ZRANB2: variants seen among roughly 807,000 people sequenced by gnomAD.
ZRANB2 encodes the protein zinc finger Ran-binding domain-containing protein 2.
ZRANB2 carries 19 observed loss-of-function variants against 53.4 expected under a neutral mutation model. That is an observed-to-expected ratio of 0.36 (90% CI 0.25 to 0.52). The LOEUF (loss-of-function observed/expected upper bound fraction) is 0.52, where lower values mean the gene tolerates loss of function less well. ZRANB2 is among the 20% of genes least tolerant of loss of function. The pLI is 0.93. For synonymous variants in ZRANB2, 145 were observed against 134.8 expected, an observed-to-expected ratio of 1.08 and a Z score of -0.52; for missense variants, 309 against 401.1, an observed-to-expected ratio of 0.77 and a Z score of 1.96.
intron 4 of ZRANB2, among the ~76,000 whole-genome samples, chr1:71,075,998 AACAG>A (rs1310798217): frequency 6.6e-6 from 1 of 152,168 alleles, no homozygotes. Flanking sequence ...CTAGAAACTA[AACAG>A]ACAATGAAAA....
intron 8 of ZRANB2, chr1:71,067,803 T>A: frequency 2.7e-6 from 1 of 368,914 alleles, no homozygotes; most frequent in Non-Finnish European, 5.3e-6. Context: ...AACTTAAGGA[T>A]TTTTACCTAT....
chr1:71,076,727 T>TA, intron 4 of ZRANB2, 68 bp downstream of exon 4: 1 of 1,172,204 alleles, frequency 8.5e-7, no homozygotes. Flanking sequence ...TCGAAGGTGA[T>TA]ACAATTATCG....
chr1:71,070,691 A>G (rs1405647928), intron 7 of ZRANB2, 136 bp downstream of exon 7: 1 of 566,558 alleles, frequency 1.8e-6, no homozygotes, highest in Non-Finnish European at 2.9e-6. Context: ...CTGAAAAATT[A>G]TTTTAAAAGT....
Position 71,078,575 on chromosome 1 carries a change from G to A in ZRANB2, c.110-10C>T, listed in dbSNP as rs754221880. ...GCCTCAGTTGTTTTCTCTGAAAACA[G>A]AAAAATCATGCAATATGAACCTGGA... On this transcript the variant is annotated splice_polypyrimidine_tract_variant and intron_variant, in intron 2 of 9. Transcript: ENST00000370920. 12 of 1,612,718 alleles carry A rather than the reference G, an allele frequency of 7.4e-6. No homozygotes were observed. Among genetic ancestry groups the A allele is most frequent in the Non-Finnish European group, 9.3e-6 (11 of 1,179,058 alleles).
intron 3 of ZRANB2, 117 bp downstream of exon 3, chr1:71,078,339 TG>T (rs1661756684): frequency 2.5e-6 from 2 of 788,662 alleles, no homozygotes; most frequent in African/African-American, 3.5e-5. Flanking sequence ...AACAATACCT[TG>T]GATTTAAAAG....
In ZRANB2 at chr1:71,066,934, T is replaced by C; in HGVS notation, c.771A>G (p.Arg257=). Residue 257 remains arginine, a splice_region_variant and synonymous_variant, in exon 9 of 10, where the codon AGA becomes AGG. Transcript: ENST00000370920. The stretch of plus-strand genomic sequence containing the variant: ...AGCCCCTGTGGGACCTGGAGCTGGA[T>C]CTTCATTGATTGAGAAACAAATCAA... ...ERSRSRGSKS[R]SSSRSHRGSS... 2 of 1,557,238 alleles carry C rather than the reference T, an allele frequency of 1.3e-6. No individual in the cohort carries two copies. Among genetic ancestry groups the C allele is most frequent in the Admixed American group, 2.0e-5 (1 of 50,776 alleles).
rs767621262 is a variant in ZRANB2, at chr1:71,080,988, G to C, written c.8C>G (p.Thr3Ser). Residue 3 changes from threonine to serine, a missense_variant, in exon 1 of 10, where the codon ACC becomes AGC. Transcript: ENST00000370920. ...CCCGTCACTGACTCGGAAATTCTTG[G>C]TCGACATCTTGAACGCCACCAGCAC... MS[T>S]KNFRVSDGDW... 5.6e-6 allele frequency: 9 copies of C among 1,614,100 alleles called. No individual in the cohort carries two copies. The Admixed American group carries it at 8.3e-5, about 15-fold the overall frequency.
At position 71,076,842 on chromosome 1, in the gene ZRANB2, C is replaced by T. The variant is rs1661721073; in HGVS notation, c.254G>A (p.Cys85Tyr). ...SNVNWARRSE[C>Y]NMCNTPKYAK... ...ATACTTTGGAGTATTACACATATTA[C>T]ACTCTGATCTTCTGGCCCAATTCAC... Residue 85 changes from cysteine to tyrosine, a missense_variant, in exon 4 of 10, where the codon TGT becomes TAT. Cys to Tyr is a radical substitution (Grantham distance 194, BLOSUM62 -2). Coordinates refer to ENST00000370920, the MANE Select transcript of ZRANB2 (RefSeq NM_203350.3). 6.2e-7 allele frequency: 1 copy of T among 1,613,040 alleles called. No homozygotes were observed. The highest frequency in any genetic ancestry group is 8.5e-7 in the Non-Finnish European group (1 of 1,179,618).
intron 3 of ZRANB2, among the ~76,000 whole-genome samples, 191 bp downstream of exon 3, chr1:71,078,266 C>A (rs1661753997): frequency 6.6e-6 from 1 of 152,040 alleles, no homozygotes. Context: ...CAACTATTAC[C>A]ATTAAAAAAT....
intron 4 of ZRANB2, among the ~76,000 whole-genome samples, chr1:71,075,525 G>A (rs918386896): frequency 3.9e-5 from 6 of 152,048 alleles, no homozygotes; most frequent in Non-Finnish European, 5.9e-5. Context: ...GGGTTATCAT[G>A]GCAAAGTTAC....
intron 9 of ZRANB2, chr1:71,065,622 T>G (rs934078028): frequency 6.5e-7 from 1 of 1,544,232 alleles, no homozygotes. Context: ...AAGATGATTG[T>G]ACAATTTGCT....
chr1:71,065,660 G>A (rs1661409794), intron 9 of ZRANB2: 2 of 1,605,650 alleles, frequency 1.2e-6, no homozygotes, highest in Admixed American at 3.4e-5. Context: ...CAGCTAGTAT[G>A]AATAAGTCAA....
chr1:71,066,910 G>C lies in ZRANB2; in HGVS notation c.795C>G (p.Gly265=). Reference sequence around the variant, plus strand: ...AAGATCTTTTTCGTGGGGAAGAAGAGCCCCTGTGGGACCTGGAGCTGGATC... The same window carrying C: ...AAGATCTTTTTCGTGGGGAAGAAGACCCCCTGTGGGACCTGGAGCTGGATC... ...KSRSSSRSHR[G]SSSPRKRSYS... is the part of the protein sequence containing the mutation. Residue 265 remains glycine (G), a synonymous_variant, in exon 9 of 10, where the codon GGC becomes GGG. Transcript: ENST00000370920. The C allele has an allele frequency of 1.3e-6, 2 of 1,594,642 alleles. No individual in the cohort carries two copies. The highest frequency in any genetic ancestry group is 1.7e-6 in the Non-Finnish European group (2 of 1,171,398).
chr1:71,065,875 C>CA (rs1661418215), intron 9 of ZRANB2: 2 of 1,415,814 alleles, frequency 1.4e-6, no homozygotes, highest in African/African-American at 2.9e-5. Context: ...CACTCAAAAA[C>CA]AGAGTAATTT....
At position 71,072,563 on chromosome 1, in the gene ZRANB2, C is replaced by T. The variant is rs1343586623; in HGVS notation, c.302-15G>A. On this transcript the variant is annotated splice_polypyrimidine_tract_variant and intron_variant, in intron 4 of 9. Transcript: ENST00000370920. ...ACCACCATATCCTTAAAAAAGAGGGCACAAATTGTTACCCTATGACAATTG... is the reference window on the plus strand; with the variant it reads ...ACCACCATATCCTTAAAAAAGAGGGTACAAATTGTTACCCTATGACAATTG... The T allele has an allele frequency of 6.3e-7, 1 of 1,583,164 alleles. No individual in the cohort carries two copies. Among genetic ancestry groups the T allele is most frequent in the Non-Finnish European group, 8.6e-7 (1 of 1,157,098 alleles).
rs556523192 is a variant in ZRANB2 at position 71,075,678 on chromosome 1, G to C, written c.301+1117C>G. Among the ~76,000 whole-genome samples, 3 of 152,070 alleles carry C rather than the reference G, an allele frequency of 2.0e-5. No individual in the cohort carries two copies. The South Asian group carries it at 6.2e-4, about 32-fold the overall frequency. On this transcript the variant is annotated intron_variant, in intron 4 of 9. Coordinates refer to ENST00000370920, the MANE Select transcript of ZRANB2 (RefSeq NM_203350.3). ...AGAATAAACAATCAATCAAACGGGG[G>C]TTGGTGGGGGCGGTGAAGGAGGTAC...
At position 71,063,699 on chromosome 1, in the gene ZRANB2, A is replaced by C. The variant is rs1398722572; in HGVS notation, c.*1375T>G. The C allele has an allele frequency of 1.3e-5, 2 of 152,428 alleles. No individual in the cohort carries two copies. The highest frequency in any genetic ancestry group is 4.8e-5 in the African/African-American group (2 of 41,434). 9.4% of individuals were successfully genotyped at this position (152,428 alleles called of 1,614,324 possible). ...AGCTCACTGTAAAAATATTATCAAA[A>C]TATTTCTACATAAGATATCTTGCTT... On this transcript the variant is annotated 3_prime_UTR_variant, in exon 10 of 10. Coordinates refer to ENST00000370920, the MANE Select transcript of ZRANB2 (RefSeq NM_203350.3).
intron 4 of ZRANB2, 54 bp from the exon 5 acceptor site, chr1:71,072,602 A>G (rs1378000874): frequency 2.9e-6 from 4 of 1,370,724 alleles, no homozygotes; most frequent in Non-Finnish European, 1.0e-6. Context: ...TAAATAATAA[A>G]CACATCATGC....
chr1:71,069,440 A>G (rs1661547116), intron 7 of ZRANB2, 78 bp from the exon 8 acceptor site: 1 of 1,038,076 alleles, frequency 9.6e-7, no homozygotes, highest in Non-Finnish European at 1.5e-6. Flanking sequence ...AAAGAAAGAT[A>G]TGTATTAGAG....
Sources: gnomAD v4.1 joint callset for allele counts (sites outside exome capture counted in the v4.1 genomes callset) on GRCh38, gnomAD v4.1.1 for gene constraint, MANE v1.5 for transcripts, NCBI Gene and HGNC (gene_info 2026-07-23, HGNC 2026-07-21) for gene names.